Variants in ERBB4 observed in about 807,000 individuals in gnomAD.
ERBB4 encodes erb-b2 receptor tyrosine kinase 4.
A neutral mutation model predicts 158.0 loss-of-function variants in ERBB4; 42 were observed. The ratio of observed to expected loss-of-function variants is 0.27; its 90% CI spans 0.21 to 0.34. ERBB4 has a LOEUF of 0.34. Ranked by LOEUF, ERBB4 falls within the 10% of genes least tolerant of loss-of-function variation. The pLI is 1.00. For synonymous variants in ERBB4, 583 were observed against 558.7 expected (o/e 1.04, Z -0.61); for missense variants, 1,333 against 1,624.1 (o/e 0.82, Z 3.08).
intron 16 of ERBB4, among the ~76,000 whole-genome samples, chr2:211,639,476 G>C (rs549834421): frequency 6.6e-6 from 1 of 152,316 alleles, no homozygotes; most frequent in South Asian, 2.1e-4. Flanking sequence ...GTGAAGAAAA[G>C]TGGGAGAGGG....
intron 25 of ERBB4, among the ~76,000 whole-genome samples, chr2:211,407,849 G>A (rs563087701): frequency 6.6e-6 from 1 of 152,294 alleles, no homozygotes; most frequent in Non-Finnish European, 1.5e-5. Flanking sequence ...ATTAGGATAT[G>A]TTCAACTGCA....
chr2:211,581,431 T>C (rs370356957), intron 19 of ERBB4, among the ~76,000 whole-genome samples: 1 of 152,010 alleles, frequency 6.6e-6, no homozygotes, highest in Non-Finnish European at 1.5e-5. Context: ...TATCACAAAA[T>C]ATAGGAAGTA....
chr2:211,721,229 TA>T (rs1479816601), intron 7 of ERBB4, among the ~76,000 whole-genome samples: 2 of 152,166 alleles, frequency 1.3e-5, no homozygotes, highest in African/African-American at 4.8e-5. Flanking sequence ...GTCAGCACTC[TA>T]AAAGTTTCAA....
intron 1 of ERBB4, among the ~76,000 whole-genome samples, chr2:212,461,920 T>A (rs1326566386): frequency 1.3e-5 from 2 of 152,198 alleles, no homozygotes; most frequent in African/African-American, 4.8e-5. Context: ...CCTGCTGCCA[T>A]CCATGTAAGA....
chr2:212,086,618 C>T lies in ERBB4; in HGVS notation c.234+38134G>A, dbSNP rs191737982. On this transcript the variant is annotated intron_variant, in intron 2 of 27. Transcript: ENST00000342788. The stretch of plus-strand genomic sequence containing the variant: ...CCAGTATCAGACAATTTTCAAGTGG[C>T]TGATATGGAACCAAAAATAAGAATA... Among the ~76,000 whole-genome samples the T allele has an allele frequency of 1.4e-3, 214 of 151,926 alleles. 1 individual carries two copies. The highest frequency in any genetic ancestry group is 1.9e-4 in the Non-Finnish European group (13 of 67,936).
In ERBB4 at chr2:211,813,893, T is replaced by C. The variant is rs547182161; in HGVS notation, c.422-25734A>G. Among the ~76,000 whole-genome samples the C allele has an allele frequency of 4.8e-4, 73 of 152,234 alleles. 2 individuals carry two copies. Among genetic ancestry groups the C allele is most frequent in the African/African-American group, 1.7e-3 (70 of 41,558 alleles). On this transcript the variant is annotated intron_variant, in intron 3 of 27. Transcript: ENST00000342788. Reference sequence around the variant, plus strand: ...AGTAATTCTCTTTTAATTAGAGCATTGGACAAAAAATAATATAAATCATAT... The same window carrying C: ...AGTAATTCTCTTTTAATTAGAGCATCGGACAAAAAATAATATAAATCATAT...
intron 1 of ERBB4, among the ~76,000 whole-genome samples, chr2:212,265,419 T>C (rs910992242): frequency 1.3e-5 from 2 of 152,068 alleles, no homozygotes; most frequent in Admixed American, 6.6e-5. Flanking sequence ...TAGATTTAAC[T>C]TAATAACAGT....
intron 6 of ERBB4, 42 bp from the exon 7 acceptor site, chr2:211,722,576 A>G: frequency 3.7e-6 from 6 of 1,601,832 alleles, no homozygotes; most frequent in Non-Finnish European, 5.1e-6. Flanking sequence ...AAATAAACTC[A>G]TAATACTTGT....
intron 1 of ERBB4, among the ~76,000 whole-genome samples, chr2:212,254,051 G>C (rs1250374758): frequency 6.6e-6 from 1 of 152,080 alleles, no homozygotes; most frequent in Non-Finnish European, 1.5e-5. Flanking sequence ...CGCTGTGGTA[G>C]AGGTGGTCAG....
intron 3 of ERBB4, among the ~76,000 whole-genome samples, chr2:211,821,264 A>G (rs1335667707): frequency 2.6e-5 from 4 of 151,888 alleles, no homozygotes; most frequent in Non-Finnish European, 5.9e-5. Flanking sequence ...TCTCATTTAC[A>G]ATAGCTACTA....
chr2:211,994,775 A>G (rs1260123341), intron 2 of ERBB4, among the ~76,000 whole-genome samples: 1 of 152,332 alleles, frequency 6.6e-6, no homozygotes, highest in African/African-American at 2.4e-5. Flanking sequence ...ATTGAAGGGA[A>G]AAAGAATTTA....
intron 20 of ERBB4, among the ~76,000 whole-genome samples, chr2:211,473,082 T>C (rs979220545): frequency 6.6e-6 from 1 of 151,910 alleles, no homozygotes; most frequent in Non-Finnish European, 1.5e-5. Context: ...ACCTGAATGA[T>C]CTTGACATGG....
chr2:211,590,204 C>T (rs948083936), intron 19 of ERBB4, among the ~76,000 whole-genome samples: 9 of 152,216 alleles, frequency 5.9e-5, no homozygotes, highest in Non-Finnish European at 1.3e-4. Context: ...TCCATCGTGC[C>T]TCTAACCTCC....
At chr2:212,227,898 A>G (rs183608277) in intron 1 of ERBB4, among the ~76,000 whole-genome samples, 1 of 152,180 alleles carries the variant, frequency 6.6e-6, no homozygotes, top group Non-Finnish European at 1.5e-5. Flanking sequence ...AATAATAATG[A>G]GATTTACTGT....
At chr2:212,282,388 T>C (rs923225040) in intron 1 of ERBB4, among the ~76,000 whole-genome samples, 5 of 151,916 alleles carry the variant, frequency 3.3e-5, no homozygotes, top group Non-Finnish European at 5.9e-5. Flanking sequence ...TGGAAAGCAC[T>C]TTTTAAAAAA....
chr2:212,393,573 A>T (rs2106443315), intron 1 of ERBB4, among the ~76,000 whole-genome samples: 1 of 152,196 alleles, frequency 6.6e-6, no homozygotes, highest in African/African-American at 2.4e-5. Flanking sequence ...AATCTTTGTG[A>T]GAATAGGGTA....
At chr2:212,003,177 G>GAAAGAAAAGAAAGA (rs1559292877) in intron 2 of ERBB4, among the ~76,000 whole-genome samples, 4 of 47,650 alleles carry the variant, frequency 8.4e-5, no homozygotes, top group Non-Finnish European at 1.7e-4. Flanking sequence ...AAGAAAGAAA[G>GAAAGAAAAGAAAGA]AAAGAAAGAA....
chr2:212,431,778 T>A (rs1017827610), intron 1 of ERBB4, among the ~76,000 whole-genome samples: 2 of 152,190 alleles, frequency 1.3e-5, no homozygotes, highest in Non-Finnish European at 2.9e-5. Flanking sequence ...GCTGTTTGAT[T>A]AGTCTGCACC....
At chr2:212,474,039 A>G (rs1041891188) in intron 1 of ERBB4, among the ~76,000 whole-genome samples, 6 of 152,152 alleles carry the variant, frequency 3.9e-5, no homozygotes, top group African/African-American at 1.4e-4. Flanking sequence ...GAAATACAAT[A>G]TTAAAGTTTG....
Sources: gnomAD v4.1 joint callset for allele counts (sites outside exome capture counted in the v4.1 genomes callset) on GRCh38, gnomAD v4.1.1 for gene constraint, MANE v1.5 for transcripts, NCBI Gene and HGNC (gene_info 2026-07-23, HGNC 2026-07-21) for gene names.